The following KMT5B variants were observed in gnomAD, a reference collection of about 807,000 sequenced individuals.
The protein encoded by KMT5B is histone-lysine N-methyltransferase KMT5B.
In KMT5B, 10 loss-of-function variants were observed where a neutral mutation model predicts 83.2. That is an observed-to-expected ratio of 0.12 (90% CI 0.07 to 0.20). KMT5B has a LOEUF of 0.20. KMT5B is among the 10% of genes least tolerant of loss of function. The probability of loss-of-function intolerance (pLI) is 1.00; values close to 1 mark genes in which losing one functional copy is unlikely to be tolerated. For synonymous variants in KMT5B, 349 were observed against 388.8 expected (o/e 0.90, Z 1.20); for missense variants, 753 against 1,067.2 (o/e 0.71, Z 4.10).
At chr11:68,202,131 G>C (rs1859517387) in intron 1 of KMT5B, among the ~76,000 whole-genome samples, 1 of 152,000 alleles carries the variant, frequency 6.6e-6, no homozygotes, top group African/African-American at 2.4e-5. Context: ...ATTTAGAAAG[G>C]CAAAGAAAAC....
At chr11:68,210,746 T>C (rs949284801) in intron 1 of KMT5B, among the ~76,000 whole-genome samples, 2 of 152,156 alleles carry the variant, frequency 1.3e-5, no homozygotes, top group Non-Finnish European at 2.9e-5. Context: ...TGCAGTATTG[T>C]AGCTAACAGG....
intron 10 of KMT5B, among the ~76,000 whole-genome samples, chr11:68,164,849 T>C (rs922481263): frequency 1.3e-5 from 2 of 152,242 alleles, no homozygotes; most frequent in Non-Finnish European, 2.9e-5. Flanking sequence ...ACCTGTCTTA[T>C]CCTGGAGCTA....
chr11:68,179,572 G>A, intron 4 of KMT5B: 1 of 1,304,130 alleles, frequency 7.7e-7, no homozygotes, highest in Middle Eastern at 2.1e-4. Flanking sequence ...GACTGTATTA[G>A]CTGTGCTACT....
At chr11:68,190,206 A>G (rs372669824) in intron 1 of KMT5B, 54 bp from the exon 2 acceptor site, 2 of 772,952 alleles carry the variant, frequency 2.6e-6, no homozygotes, top group East Asian at 4.9e-5. Flanking sequence ...AAATACATGA[A>G]AGATCATGCT....
At chr11:68,187,730 G>C (rs11228155) in intron 2 of KMT5B, among the ~76,000 whole-genome samples, 1 of 152,082 alleles carries the variant, frequency 6.6e-6, no homozygotes, top group Non-Finnish European at 1.5e-5. Context: ...TAAAAGTGGC[G>C]TATCAAAGTC....
intron 3 of KMT5B, among the ~76,000 whole-genome samples, chr11:68,184,629 A>G (rs895738038): frequency 3.3e-5 from 5 of 152,234 alleles, no homozygotes; most frequent in African/African-American, 1.2e-4. Context: ...CACTAAAATC[A>G]GAACTATATA....
At chr11:68,211,662 G>T (rs1042596404) in intron 1 of KMT5B, among the ~76,000 whole-genome samples, 1 of 152,224 alleles carries the variant, frequency 6.6e-6, no homozygotes, top group African/African-American at 2.4e-5. Context: ...GGCTGTGTGT[G>T]TGAAGGTTTC....
intron 3 of KMT5B, among the ~76,000 whole-genome samples, chr11:68,185,235 C>T (rs796690186): frequency 1.3e-5 from 2 of 151,448 alleles, no homozygotes; most frequent in South Asian, 2.1e-4. Context: ...GATGGAGTTT[C>T]GCTCTTGTTG....
Position 68,157,583 on chromosome 11 carries a change from A to T in KMT5B, c.*105T>A. The stretch of plus-strand genomic sequence containing the variant: ...TCTACAATAGTATGCTGATAAGTGA[A>T]GGGACAATAGAAGTGCTGCCACTAA... On this transcript the variant is annotated 3_prime_UTR_variant, in exon 11 of 11. Coordinates refer to ENST00000304363, the MANE Select transcript of KMT5B (RefSeq NM_017635.5). 6.9e-7 allele frequency: 1 copy of T among 1,449,762 alleles called. No homozygotes were observed. The highest frequency in any genetic ancestry group is 1.4e-5 in the African/African-American group (1 of 70,858). The allele number at this position is 1,449,762 out of a possible 1,614,324, so 89.8% of individuals were successfully genotyped here.
At chr11:68,166,670 ACAT>A in intron 10 of KMT5B, 2 of 1,129,618 alleles carry the variant, frequency 1.8e-6, no homozygotes, top group Non-Finnish European at 2.2e-6. Context: ...GGACTTAGCG[ACAT>A]CATCACAGTC....
intron 10 of KMT5B, among the ~76,000 whole-genome samples, chr11:68,163,393 TCAC>T (rs1855025370): frequency 6.6e-6 from 1 of 152,194 alleles, no homozygotes; most frequent in South Asian, 2.1e-4. Flanking sequence ...AGCATTAAAA[TCAC>T]GCTTATGCTG....
chr11:68,171,186 C>G lies in KMT5B; in HGVS notation c.841-35G>C, dbSNP rs1382632479. The G allele has an allele frequency of 1.2e-6, 2 of 1,606,478 alleles. No homozygotes were observed. The highest frequency in any genetic ancestry group is 1.7e-5 in the Admixed American group (1 of 57,468). On this transcript the variant is annotated intron_variant, in intron 8 of 10. Coordinates refer to ENST00000304363, the MANE Select transcript of KMT5B (RefSeq NM_017635.5). The surrounding 1 kb of genome is among the most constrained non-coding windows in gnomAD (Gnocchi z 5.1). ...AAGTAACTCAGTAAGAAACTCACAC[C>G]TGAAGCAAAAACAAAATACTTGAAG...
chr11:68,193,312 AC>A (rs1858307190), intron 1 of KMT5B, among the ~76,000 whole-genome samples: 1 of 152,216 alleles, frequency 6.6e-6, no homozygotes, highest in Non-Finnish European at 1.5e-5. Flanking sequence ...TTCCACAAAC[AC>A]ATAGAAAAGT....
At chr11:68,176,080 A>G (rs1856350506) in intron 4 of KMT5B, among the ~76,000 whole-genome samples, 1 of 151,952 alleles carries the variant, frequency 6.6e-6, no homozygotes, top group African/African-American at 2.4e-5. Flanking sequence ...ATGCCCAGCT[A>G]ATTTTTGTAT....
At chr11:68,182,163 T>C (rs1241168183) in intron 3 of KMT5B, among the ~76,000 whole-genome samples, 1 of 152,196 alleles carries the variant, frequency 6.6e-6, no homozygotes, top group African/African-American at 2.4e-5. Flanking sequence ...CCAAAAATAT[T>C]TGTGTGGTAA....
intron 1 of KMT5B, among the ~76,000 whole-genome samples, 159 bp downstream of exon 1, chr11:68,212,979 C>T (rs975216926): frequency 2.1e-5 from 3 of 141,640 alleles, no homozygotes; most frequent in Non-Finnish European, 4.7e-5. Context: ...AGCCCCGCCC[C>T]CCGCGCCCGG....
chr11:68,154,908 C>T lies in KMT5B; in HGVS notation c.*2780G>A, dbSNP rs780204222. On this transcript the variant is annotated 3_prime_UTR_variant, in exon 11 of 11. Transcript: ENST00000304363. ...ATTAAAATGATTAACCTCAATACTG[C>T]AAGTGCATGTACAAAATATTTGTAA... 3 of 151,996 alleles carry T rather than the reference C, an allele frequency of 2.0e-5. No homozygotes were observed. The highest frequency in any genetic ancestry group is 1.3e-4 in the Admixed American group (2 of 15,266). 9.4% of individuals were successfully genotyped at this position (151,996 alleles called of 1,614,324 possible).
At chr11:68,205,871 C>T (rs769920990) in intron 1 of KMT5B, among the ~76,000 whole-genome samples, 3 of 152,176 alleles carry the variant, frequency 2.0e-5, no homozygotes, top group Admixed American at 6.5e-5. Context: ...CCACCCACCT[C>T]GGCCTCCCAA....
chr11:68,159,151 C>G lies in KMT5B; in HGVS notation c.1195G>C (p.Val399Leu), dbSNP rs1453409725. The part of the protein sequence containing the change: ...NNATSNRKSS[V>L]GVKKNSKSRT... ...CTCTTGCTATTCTTTTTTACGCCAA[C>G]TGAAGATTTTCGGTTAGAAGCTGTA... Residue 399 changes from valine (V) to leucine (L), a missense_variant, in exon 11 of 11, where the codon GTT becomes CTT. Transcript: ENST00000304363. 1.3e-6 allele frequency: 2 copies of G among 1,572,604 alleles called. No homozygotes were observed. Among genetic ancestry groups the G allele is most frequent in the African/African-American group, 2.8e-5 (2 of 72,434 alleles).
Sources: allele counts gnomAD v4.1 joint callset (sites outside exome capture counted in the v4.1 genomes callset), GRCh38; gene constraint gnomAD v4.1.1; non-coding constraint Gnocchi (gnomAD v3.1); transcripts MANE v1.5; gene names NCBI Gene and HGNC (gene_info 2026-07-23, HGNC 2026-07-21).